The following GALNT2 variants were observed in gnomAD, a reference collection of about 807,000 sequenced individuals.
The protein encoded by GALNT2 is polypeptide N-acetylgalactosaminyltransferase 2.
In GALNT2, 31 loss-of-function variants were observed where a neutral mutation model predicts 81.4. The observed-to-expected ratio is 0.38, with a 90% CI of 0.29 to 0.51. The LOEUF (loss-of-function observed/expected upper bound fraction) is 0.51, where lower values mean the gene tolerates loss of function less well. Ranked by LOEUF, GALNT2 falls within the 20% of genes least tolerant of loss-of-function variation. The pLI is 0.87. For missense variants in GALNT2, 629 were observed against 765.7 expected, an observed-to-expected ratio of 0.82 and a Z score of 2.11; for synonymous variants, 303 against 287.4, an observed-to-expected ratio of 1.05 and a Z score of -0.55.
At position 230,059,780 on chromosome 1, in the gene GALNT2, C is replaced by CT. The variant is rs777799728; in HGVS notation, n.89+1710dup. On this transcript the variant is annotated intron_variant and non_coding_transcript_variant, in intron 1 of 6. Transcript: ENST00000494106. ...CTCGCCATTTTAAAATATTTTGCCA[C>CT]TTTTTTTTATCATTCTCTCTCTATA... Among the ~76,000 whole-genome samples the CT allele has an allele frequency of 2.8e-3, 423 of 152,142 alleles. 5 individuals carry two copies. The highest frequency in any genetic ancestry group is 9.0e-3 in the African/African-American group (375 of 41,504).
intron 2 of GALNT2, among the ~76,000 whole-genome samples, chr1:230,194,248 G>A (rs1239296799): frequency 6.6e-6 from 1 of 152,154 alleles, no homozygotes; most frequent in Non-Finnish European, 1.5e-5. Flanking sequence ...AAAGTTGCTG[G>A]GCCTGAAGTC....
chr1:230,201,314 C>T (rs577756558), intron 2 of GALNT2, among the ~76,000 whole-genome samples: 10 of 152,134 alleles, frequency 6.6e-5, no homozygotes, highest in Admixed American at 1.3e-4. Flanking sequence ...AGAGGCCAGA[C>T]TTCTGTGACA....
intron 1 of GALNT2, among the ~76,000 whole-genome samples, chr1:230,073,457 C>T: frequency 6.6e-6 from 1 of 152,238 alleles, no homozygotes; most frequent in East Asian, 1.9e-4. Context: ...CACTGTGCTC[C>T]TGCCTGGCTC....
intron 1 of GALNT2, among the ~76,000 whole-genome samples, chr1:230,090,141 A>C (rs1222865238): frequency 6.6e-6 from 1 of 152,116 alleles, no homozygotes; most frequent in African/African-American, 2.4e-5. Flanking sequence ...TTTTTGGATG[A>C]GGGAAAGTTT....
At chr1:230,174,645 A>T (rs981036067) in intron 1 of GALNT2, among the ~76,000 whole-genome samples, 4 of 151,602 alleles carry the variant, frequency 2.6e-5, no homozygotes, top group African/African-American at 9.7e-5. Context: ...TCCTAGCTGC[A>T]CCTGTCTCCG....
intron 3 of GALNT2, among the ~76,000 whole-genome samples, chr1:230,233,375 G>A (rs1456410858): frequency 6.6e-6 from 1 of 152,172 alleles, no homozygotes; most frequent in Non-Finnish European, 1.5e-5. Flanking sequence ...AACACTTTGG[G>A]AGGCCAAGGC....
chr1:230,167,442 C>T (rs2102853584), intron 1 of GALNT2, among the ~76,000 whole-genome samples: 1 of 152,332 alleles, frequency 6.6e-6, no homozygotes, highest in East Asian at 1.9e-4. Flanking sequence ...CCACCACTCC[C>T]AGCATGGAGC....
intron 2 of GALNT2, 24 bp downstream of exon 2, chr1:230,178,335 A>G: frequency 6.3e-7 from 1 of 1,587,194 alleles, no homozygotes; most frequent in Non-Finnish European, 8.6e-7. Context: ...CCAGGAAGCC[A>G]TCTTGCTTTG....
chr1:230,242,307 T>C (rs1188321319), intron 6 of GALNT2, among the ~76,000 whole-genome samples: 1 of 152,188 alleles, frequency 6.6e-6, no homozygotes, highest in Admixed American at 6.5e-5. Flanking sequence ...ACAAGTTGTT[T>C]TGCAATTATC....
At chr1:230,260,725 A>G (rs1044737351) in intron 11 of GALNT2, among the ~76,000 whole-genome samples, 1 of 152,236 alleles carries the variant, frequency 6.6e-6, no homozygotes, top group Non-Finnish European at 1.5e-5. Flanking sequence ...GAGAAATGAT[A>G]TGTATGATCC....
rs148974166 is a variant in GALNT2, at chr1:230,275,553, G to T, written c.1560+989G>T. Among the ~76,000 whole-genome samples the T allele has an allele frequency of 6.9e-6, 1 of 145,950 alleles. No homozygotes were observed. Among genetic ancestry groups the T allele is most frequent in the African/African-American group, 2.6e-5 (1 of 39,214 alleles). On this transcript the variant is annotated intron_variant, in intron 15 of 15. Transcript: ENST00000366672. This position sits in a 1 kb window ranked among gnomAD's most constrained non-coding sequence, Gnocchi z 5.5. ...GCCACATAGATATACATATATAAAC[G>T]CCACATATATATACATATAAACACA...
chr1:230,149,322 T>G (rs1017193378), intron 1 of GALNT2, among the ~76,000 whole-genome samples: 2 of 152,090 alleles, frequency 1.3e-5, no homozygotes, highest in Non-Finnish European at 2.9e-5. Context: ...TGGACTTGTG[T>G]GGTTGAGCAC....
upstream of GALNT2, among the ~76,000 whole-genome samples, chr1:230,067,034 C>T (rs1659205458): frequency 6.7e-6 from 1 of 148,442 alleles, no homozygotes; most frequent in African/African-American, 2.4e-5. Context: ...GCCCTTTGCT[C>T]CCTGACCCCC....
intron 6 of GALNT2, among the ~76,000 whole-genome samples, chr1:230,238,397 G>T (rs1012635476): frequency 7.9e-5 from 12 of 152,256 alleles, no homozygotes; most frequent in Middle Eastern, 3.4e-3. Context: ...GAAATTTCTG[G>T]ATTTCTCTGG....
intron 3 of GALNT2, among the ~76,000 whole-genome samples, chr1:230,231,774 AAC>A (rs1291465536): frequency 1.3e-5 from 2 of 152,216 alleles, no homozygotes; most frequent in African/African-American, 4.8e-5. Flanking sequence ...CATTTTACCG[AAC>A]AGGAAGTTTG....
chr1:230,279,396 G>C lies in GALNT2; in HGVS notation c.1654G>C (p.Val552Leu). Residue 552 changes from valine to leucine, a missense_variant, in exon 16 of 16, where the codon GTG (valine) becomes CTG (leucine). By Grantham distance (32) the Val-to-Leu change is conservative (BLOSUM62 1). Transcript: ENST00000366672. The surrounding 1 kb of genome is among the most constrained non-coding windows in gnomAD (Gnocchi z 4.6). Reference sequence around the variant, plus strand: ...CACGGCCAAGAGCGGGGGCCTAAGCGTGGAGGTGTGTGGCCCGGCCCTTTC... The same window carrying C: ...CACGGCCAAGAGCGGGGGCCTAAGCCTGGAGGTGTGTGGCCCGGCCCTTTC... ...SRTAKSGGLS[V>L]EVCGPALSQQ... The C allele has an allele frequency of 6.2e-7, 1 of 1,614,142 alleles. No individual in the cohort carries two copies. The highest frequency in any genetic ancestry group is 8.5e-7 in the Non-Finnish European group (1 of 1,180,032).
chr1:230,129,803 CTGGT>C (rs1308287355), intron 1 of GALNT2, among the ~76,000 whole-genome samples: 1 of 152,210 alleles, frequency 6.6e-6, no homozygotes, highest in Non-Finnish European at 1.5e-5. Flanking sequence ...TCTGCTGTGA[CTGGT>C]TGACCTGACA....
chr1:230,145,061 C>G (rs1661871554), intron 1 of GALNT2, among the ~76,000 whole-genome samples: 1 of 152,142 alleles, frequency 6.6e-6, no homozygotes, highest in Non-Finnish European at 1.5e-5. Flanking sequence ...ATGGCCACTC[C>G]AGAGCTGCGT....
chr1:230,084,194 C>T (rs1353383071), intron 1 of GALNT2, among the ~76,000 whole-genome samples: 1 of 152,174 alleles, frequency 6.6e-6, no homozygotes, highest in Admixed American at 6.5e-5. Context: ...AGTGGGGAGC[C>T]AGGCTAACAT....
Sources: gnomAD v4.1 joint callset for allele counts (sites outside exome capture counted in the v4.1 genomes callset) on GRCh38, gnomAD v4.1.1 for gene constraint, Gnocchi (gnomAD v3.1) non-coding constraint, MANE v1.5 for transcripts, NCBI Gene and HGNC (gene_info 2026-07-23, HGNC 2026-07-21) for gene names.